Variants in CASK observed in about 807,000 individuals in gnomAD.
CASK encodes the protein calcium/calmodulin dependent serine protein kinase.
In CASK, 4 loss-of-function variants were observed where a neutral mutation model predicts 82.9. The ratio of observed to expected loss-of-function variants is 0.05; its 90% CI spans 0.02 to 0.11. CASK has a LOEUF of 0.11. Among genes scored for constraint, CASK ranks in the 10% least tolerant of loss-of-function variants. The pLI is 1.00. For missense variants in CASK, 358 were observed against 720.9 expected, an observed-to-expected ratio of 0.50 and a Z score of 5.76; for synonymous variants, 259 against 253.5, an observed-to-expected ratio of 1.02 and a Z score of -0.20.
chrX:41,886,167 C>G (rs1405517342), intron 1 of CASK, among the ~76,000 whole-genome samples: 1 of 111,732 alleles, frequency 8.9e-6, no homozygotes, highest in Non-Finnish European at 1.9e-5. Flanking sequence ...GGATTCAAGT[C>G]TTAGTGCCTA....
chrX:41,587,613 G>A (rs902007391), intron 13 of CASK: 7 of 111,863 alleles, frequency 6.3e-5, no homozygotes, highest in Non-Finnish European at 9.4e-5. Context: ...GGGAGCCTAA[G>A]AGAACAATTT....
chrX:41,821,950 C>T (rs1291218384), intron 2 of CASK, among the ~76,000 whole-genome samples: 2 of 111,753 alleles, frequency 1.8e-5, no homozygotes, highest in Non-Finnish European at 3.8e-5. Context: ...CCCTAGCCCT[C>T]GAGTCTTCTG....
At chrX:41,876,595 G>T (rs2071826097) in intron 1 of CASK, among the ~76,000 whole-genome samples, 1 of 111,728 alleles carries the variant, frequency 9.0e-6, no homozygotes, top group African/African-American at 3.3e-5. Flanking sequence ...TTAAAAAATA[G>T]TATATAGTAA....
At chrX:41,730,971 T>C (rs748149971) in intron 5 of CASK, among the ~76,000 whole-genome samples, 2 of 112,295 alleles carry the variant, frequency 1.8e-5, no homozygotes, top group African/African-American at 6.5e-5. Flanking sequence ...TCCCAAAGTG[T>C]TGGGATTACA....
chrX:41,517,817 G>T lies in CASK; in HGVS notation c.*2603C>A. ...AGCAGCAGCAGCAGCAGCAGCAGCA[G>T]CAGCAATGTACTGAAATTACTCTGA... On this transcript the variant is annotated 3_prime_UTR_variant, in exon 27 of 27. Coordinates refer to ENST00000378163, the MANE Select transcript of CASK (RefSeq NM_001367721.1). 1 of 776,958 alleles carries T rather than the reference G, an allele frequency of 1.3e-6. No homozygotes were observed. The highest frequency in any genetic ancestry group is 1.9e-6 in the Non-Finnish European group (1 of 535,920). 64.0% of individuals were successfully genotyped at this position (776,958 alleles called of 1,213,427 possible).
chrX:41,611,920 C>G (rs1484376271), intron 11 of CASK, among the ~76,000 whole-genome samples: 2 of 111,742 alleles, frequency 1.8e-5, no homozygotes, highest in Non-Finnish European at 3.8e-5. Context: ...GGGCTGGTCT[C>G]CAGCTCCTAA....
chrX:41,773,773 T>A (rs1411085340), intron 3 of CASK, among the ~76,000 whole-genome samples: 1 of 110,857 alleles, frequency 9.0e-6, no homozygotes, highest in African/African-American at 3.3e-5. Flanking sequence ...AAGGGTACAA[T>A]CAAAATATAG....
At chrX:41,629,469 G>A (rs1196110900) in intron 9 of CASK, among the ~76,000 whole-genome samples, 1 of 112,028 alleles carries the variant, frequency 8.9e-6, no homozygotes, top group Non-Finnish European at 1.9e-5. Flanking sequence ...GGTCCAGAGA[G>A]GCTTAGCAAC....
intron 11 of CASK, among the ~76,000 whole-genome samples, chrX:41,619,640 C>T (rs943196037): frequency 9.9e-5 from 11 of 111,537 alleles, no homozygotes; most frequent in African/African-American, 3.3e-4. Context: ...AATCTCATTA[C>T]GAGAGTGGAA....
intron 2 of CASK, among the ~76,000 whole-genome samples, chrX:41,809,777 G>A (rs1454668047): frequency 8.9e-6 from 1 of 111,985 alleles, no homozygotes; most frequent in East Asian, 2.8e-4. Context: ...GGCTTCGGAT[G>A]ATTAAACTTC....
At chrX:41,902,731 A>C (rs2072405487) in intron 1 of CASK, among the ~76,000 whole-genome samples, 2 of 112,272 alleles carry the variant, frequency 1.8e-5, no homozygotes, top group Non-Finnish European at 1.9e-5. Context: ...ATATAAAACC[A>C]GAGAGTAAAC....
chrX:41,881,444 C>T lies in CASK; in HGVS notation c.60-28217G>A, dbSNP rs751623036. Among the ~76,000 whole-genome samples, 26 of 111,226 alleles carry T rather than the reference C, an allele frequency of 2.3e-4. 2 individuals are homozygous for T. Among genetic ancestry groups the T allele is most frequent in the Non-Finnish European group, 4.9e-4 (26 of 52,909 alleles). On this transcript the variant is annotated intron_variant, in intron 1 of 26. Transcript: ENST00000378163. ...GCACTCACCACCATTGAATTTTAAACAATTGTTTGTAGAATTATTTAACCT... is the reference window on the plus strand; with the variant it reads ...GCACTCACCACCATTGAATTTTAAATAATTGTTTGTAGAATTATTTAACCT...
At chrX:41,587,218 T>C (rs1361757882) in intron 13 of CASK, 1 of 300,446 alleles carries the variant, frequency 3.3e-6, no homozygotes. Flanking sequence ...TAAAAGGTTA[T>C]TGAAAAATAT....
intron 18 of CASK, 185 bp downstream of exon 18, chrX:41,559,594 A>G: frequency 4.1e-6 from 2 of 484,448 alleles, no homozygotes; most frequent in Admixed American, 5.8e-5. Context: ...GGAGATCCAC[A>G]TGGAAGCAGG....
At chrX:41,817,292 T>C (rs945873696) in intron 2 of CASK, among the ~76,000 whole-genome samples, 1 of 112,052 alleles carries the variant, frequency 8.9e-6, no homozygotes, top group Non-Finnish European at 1.9e-5. Flanking sequence ...TCTAATGTTT[T>C]TTCTCTAAGG....
chrX:41,844,153 T>G (rs1419552963), intron 2 of CASK, among the ~76,000 whole-genome samples: 1 of 111,902 alleles, frequency 8.9e-6, no homozygotes, highest in African/African-American at 3.2e-5. Flanking sequence ...AGAATGTGTG[T>G]GTTTACATTC....
At chrX:41,866,971 A>C (rs2071602364) in intron 1 of CASK, among the ~76,000 whole-genome samples, 1 of 111,133 alleles carries the variant, frequency 9.0e-6, no homozygotes, top group Non-Finnish European at 1.9e-5. Context: ...TCACTCACTC[A>C]CTCACTCACC....
At chrX:41,863,455 G>A (rs1205739630) in intron 1 of CASK, among the ~76,000 whole-genome samples, 2 of 111,594 alleles carry the variant, frequency 1.8e-5, no homozygotes, top group Non-Finnish European at 3.8e-5. Flanking sequence ...ACTGTAAGAA[G>A]CCCAGAAAGG....
intron 3 of CASK, among the ~76,000 whole-genome samples, chrX:41,779,839 C>T (rs901914979): frequency 9.1e-6 from 1 of 109,639 alleles, no homozygotes; most frequent in Non-Finnish European, 1.9e-5. Context: ...GGCATAAATA[C>T]TAGACCAAAA....
Sources: allele counts gnomAD v4.1 joint callset (sites outside exome capture counted in the v4.1 genomes callset), GRCh38; gene constraint gnomAD v4.1.1; transcripts MANE v1.5; gene names NCBI Gene and HGNC (gene_info 2026-07-23, HGNC 2026-07-21).